Variants in WASF3 observed in about 807,000 individuals in gnomAD.
WASF3 encodes the protein WASP family member 3.
A neutral mutation model predicts 46.6 loss-of-function variants in WASF3; 11 were observed. The ratio of observed to expected loss-of-function variants is 0.24; its 90% CI spans 0.15 to 0.39. WASF3 has a LOEUF of 0.39. Among genes scored for constraint, WASF3 ranks in the 10% least tolerant of loss-of-function variants. The pLI, the probability that WASF3 is intolerant of heterozygous loss-of-function variation, is 1.00. For synonymous variants in WASF3, 242 were observed against 259.7 expected (o/e 0.93, Z 0.65); for missense variants, 576 against 669.8 (o/e 0.86, Z 1.55).
chr13:26,574,705 A>G (rs1374030425), intron 1 of WASF3, among the ~76,000 whole-genome samples: 3 of 152,106 alleles, frequency 2.0e-5, no homozygotes, highest in Non-Finnish European at 4.4e-5. Flanking sequence ...GTATTTTGGT[A>G]TATTTACTCT....
intron 2 of WASF3, chr13:26,638,665 G>A (rs1278821843): frequency 6.6e-6 from 1 of 152,104 alleles, no homozygotes; most frequent in Non-Finnish European, 1.5e-5. Context: ...ACTCTTCCTC[G>A]CTCTTCAATT....
At chr13:26,637,530 C>A (rs1881865550) in intron 2 of WASF3, among the ~76,000 whole-genome samples, 1 of 152,184 alleles carries the variant, frequency 6.6e-6, no homozygotes, top group Non-Finnish European at 1.5e-5. Flanking sequence ...CTGCTTTGTA[C>A]CCACTAGGAA....
Position 26,685,866 on chromosome 13 carries a change from C to T in WASF3, c.*21C>T, listed in dbSNP as rs200376881. 20 of 1,605,384 alleles carry T rather than the reference C, an allele frequency of 1.2e-5. No homozygotes were observed. Among genetic ancestry groups the T allele is most frequent in the Middle Eastern group, 1.7e-4 (1 of 6,038 alleles). The stretch of plus-strand genomic sequence containing the variant: ...ACTGAGCAAAGGCCGGCGGAGAGGC[C>T]GCGTGTGGGAGCGTGTTGAAGATTT... On this transcript the variant is annotated 3_prime_UTR_variant, in exon 10 of 10. Transcript: ENST00000335327.
intron 1 of WASF3, among the ~76,000 whole-genome samples, chr13:26,587,641 A>C (rs1033343533): frequency 6.6e-6 from 1 of 152,142 alleles, no homozygotes; most frequent in African/African-American, 2.4e-5. Context: ...TTGCTTTTTG[A>C]GTGTTGCTAG....
intron 1 of WASF3, among the ~76,000 whole-genome samples, chr13:26,590,002 A>G (rs557900944): frequency 4.6e-5 from 7 of 152,330 alleles, no homozygotes; most frequent in East Asian, 3.9e-4. Context: ...TTGCTTTTCT[A>G]TGTGTAACTT....
At chr13:26,611,063 G>A (rs1298521905) in intron 1 of WASF3, among the ~76,000 whole-genome samples, 1 of 145,262 alleles carries the variant, frequency 6.9e-6, no homozygotes, top group East Asian at 2.0e-4. Context: ...GTAGAGGTGG[G>A]GTTTTGCCGT....
At chr13:26,664,473 A>G (rs1009605733) in intron 3 of WASF3, among the ~76,000 whole-genome samples, 1 of 152,264 alleles carries the variant, frequency 6.6e-6, no homozygotes, top group Non-Finnish European at 1.5e-5. Context: ...TGAGCCACGC[A>G]GAAAAATTTA....
intron 7 of WASF3, among the ~76,000 whole-genome samples, chr13:26,680,809 T>C (rs1166680058): frequency 6.6e-6 from 1 of 152,172 alleles, no homozygotes; most frequent in African/African-American, 2.4e-5. Context: ...TGCCGGTCTG[T>C]CTGACTTATT....
At chr13:26,577,284 C>A in intron 1 of WASF3, 1 of 743,804 alleles carries the variant, frequency 1.3e-6, no homozygotes, top group Non-Finnish European at 2.5e-6. Flanking sequence ...TGGTTACTTG[C>A]TTTGTCTGTT....
chr13:26,659,788 A>G (rs1030608738), intron 3 of WASF3, among the ~76,000 whole-genome samples: 2 of 152,166 alleles, frequency 1.3e-5, no homozygotes, highest in African/African-American at 4.8e-5. Flanking sequence ...ATGACCCTAA[A>G]GTCTGTGACT....
chr13:26,637,196 A>C (rs968434918), intron 2 of WASF3, among the ~76,000 whole-genome samples: 1 of 152,188 alleles, frequency 6.6e-6, no homozygotes, highest in Non-Finnish European at 1.5e-5. Context: ...TAATGCCTGC[A>C]GGGGGAGGGT....
rs1468346920 is a variant in WASF3, at chr13:26,688,196, TC to T, written c.*2353del. ...AATTCAATTTATTCTGAAATTTAAA[TC>T]CAGATCTTTTCTAATATGGTATTAC... On this transcript the variant is annotated 3_prime_UTR_variant, in exon 10 of 10. Coordinates refer to ENST00000335327, the MANE Select transcript of WASF3 (RefSeq NM_006646.6). The T allele has an allele frequency of 6.6e-6, 1 of 152,218 alleles. No homozygotes were observed. Among genetic ancestry groups the T allele is most frequent in the African/African-American group, 2.4e-5 (1 of 41,460 alleles). The allele number at this position is 152,218 out of a possible 1,614,324, so 9.4% of individuals were successfully genotyped here. A position where few individuals can be genotyped will look rare whatever the true frequency, so the allele number is the denominator to read the frequency against.
chr13:26,557,652 C>T (rs1250405828), upstream of WASF3: 19 of 158,342 alleles, frequency 1.2e-4, no homozygotes, highest in Non-Finnish European at 8.3e-5. Flanking sequence ...CCGGCCGAGC[C>T]CCCCCGCCGG....
intron 1 of WASF3, among the ~76,000 whole-genome samples, chr13:26,583,104 A>T (rs1041743290): frequency 2.6e-5 from 4 of 152,186 alleles, no homozygotes; most frequent in African/African-American, 9.7e-5. Context: ...AGCAGTTTGG[A>T]CAGTTACTGT....
At chr13:26,585,804 A>G (rs561064409) in intron 1 of WASF3, among the ~76,000 whole-genome samples, 62 of 152,304 alleles carry the variant, frequency 4.1e-4, no homozygotes, top group Admixed American at 2.5e-3. Context: ...AAATTAAACT[A>G]TAAACCCCCC....
chr13:26,578,445 G>T (rs1480026577), intron 1 of WASF3, among the ~76,000 whole-genome samples: 4 of 152,090 alleles, frequency 2.6e-5, no homozygotes, highest in Admixed American at 6.6e-5. Flanking sequence ...CCTCCCTGCA[G>T]TTGTTTGCAA....
upstream of WASF3, among the ~76,000 whole-genome samples, chr13:26,554,096 C>CT (rs1555245931): frequency 6.5e-3 from 48 of 7,368 alleles, no homozygotes; most frequent in South Asian, 0.013. Context: ...TCCTTCCTTC[C>CT]TTCTTTCTTT....
chr13:26,631,587 G>A (rs1360441173), intron 2 of WASF3, among the ~76,000 whole-genome samples: 2 of 152,178 alleles, frequency 1.3e-5, no homozygotes, highest in African/African-American at 4.8e-5. Flanking sequence ...TTGTAGTATA[G>A]TTTGAAGTCA....
rs7332838 is a variant in WASF3 at position 26,681,300 on chromosome 13, G to A, written c.963G>A (p.Pro321=). 6,050 of 1,600,598 alleles carry A rather than the reference G, an allele frequency of 3.8e-3. 188 individuals carry two copies. In the African/African-American group the frequency reaches 0.069, roughly 18 times the overall value. The change falls in exon 8 of 10, where the codon CCG becomes CCA. Residue 321 remains proline, a synonymous_variant. Coordinates refer to ENST00000335327, the MANE Select transcript of WASF3 (RefSeq NM_006646.6). ...CAGAGGGGTCCCAGGCCTCTGCACC[G>A]ATGGCTCCAGCAGACTACGGGTAAC... ...QAPEGSQASA[P]MAPADYGMLP... is the part of the protein sequence containing the mutation.
Sources: gnomAD v4.1 joint callset for allele counts (sites outside exome capture counted in the v4.1 genomes callset) on GRCh38, gnomAD v4.1.1 for gene constraint, MANE v1.5 for transcripts, NCBI Gene and HGNC (gene_info 2026-07-23, HGNC 2026-07-21) for gene names.